Variants in ELL observed in about 807,000 individuals in gnomAD.
ELL encodes the protein RNA polymerase II elongation factor ELL.
A neutral mutation model predicts 64.0 loss-of-function variants in ELL; 18 were observed. The ratio of observed to expected loss-of-function variants is 0.28; its 90% CI spans 0.19 to 0.42. The LOEUF is 0.42. ELL is among the 10% of genes least tolerant of loss of function. ELL has a pLI of 1.00. For missense variants in ELL, 797 were observed against 870.4 expected, an observed-to-expected ratio of 0.92 and a Z score of 1.06; for synonymous variants, 399 against 376.2, an observed-to-expected ratio of 1.06 and a Z score of -0.70.
At chr19:18,517,834 C>T (rs1479295107) in intron 1 of ELL, among the ~76,000 whole-genome samples, 1 of 148,116 alleles carries the variant, frequency 6.8e-6, no homozygotes, top group African/African-American at 2.5e-5. Flanking sequence ...CCGCAGTGAG[C>T]TATGATCACA....
intron 4 of ELL, among the ~76,000 whole-genome samples, chr19:18,464,190 G>A (rs1034002083): frequency 1.3e-5 from 2 of 151,970 alleles, no homozygotes; most frequent in East Asian, 1.9e-4. Flanking sequence ...GCAACATAGC[G>A]AGGCTCTGTC....
chr19:18,468,581 G>A (rs971771101), intron 2 of ELL, among the ~76,000 whole-genome samples: 3 of 152,224 alleles, frequency 2.0e-5, no homozygotes, highest in East Asian at 1.9e-4. Flanking sequence ...GGGACCACAC[G>A]TCCAGGGAAA....
At chr19:18,452,536 C>T (rs1974562306) in intron 6 of ELL, among the ~76,000 whole-genome samples, 1 of 152,252 alleles carries the variant, frequency 6.6e-6, no homozygotes, top group African/African-American at 2.4e-5. Context: ...CACCGGAAAG[C>T]ATAGCAGAAG....
chr19:18,482,308 C>CTTT (rs530594631), intron 1 of ELL, among the ~76,000 whole-genome samples: 6,304 of 77,450 alleles, frequency 0.081, 1,104 homozygotes, highest in African/African-American at 0.13. Context: ...CTTTTCATTC[C>CTTT]TTTTTTTTTT....
chr19:18,482,522 G>A (rs765712063), intron 1 of ELL, among the ~76,000 whole-genome samples: 4 of 151,446 alleles, frequency 2.6e-5, no homozygotes, highest in Admixed American at 1.3e-4. Context: ...ATTTTTAGTC[G>A]AGACGGGTTT....
chr19:18,507,718 C>A (rs910671096), intron 1 of ELL, among the ~76,000 whole-genome samples: 3 of 152,264 alleles, frequency 2.0e-5, no homozygotes, highest in Non-Finnish European at 4.4e-5. Context: ...CGAACCCTCA[C>A]TGGGTGCAAT....
intron 1 of ELL, among the ~76,000 whole-genome samples, chr19:18,509,642 C>A (rs1392886972): frequency 6.8e-6 from 1 of 147,506 alleles, no homozygotes; most frequent in African/African-American, 2.6e-5. Flanking sequence ...CACACACACA[C>A]ACACACACAC....
At chr19:18,500,615 C>G (rs1490732936) in intron 1 of ELL, among the ~76,000 whole-genome samples, 1 of 152,212 alleles carries the variant, frequency 6.6e-6, no homozygotes, top group Non-Finnish European at 1.5e-5. Flanking sequence ...GAGAGGTCGA[C>G]TGGTCCCCTG....
chr19:18,444,811 C>T lies in ELL; in HGVS notation c.1807G>A (p.Ala603Thr). 1 of 1,611,572 alleles carries T rather than the reference C, an allele frequency of 6.2e-7. No homozygotes were observed. Among genetic ancestry groups the T allele is most frequent in the South Asian group, 1.1e-5 (1 of 91,084 alleles). The change falls in exon 12 of 12, where the codon GCC becomes ACC. Residue 603 changes from alanine to threonine, a missense_variant. Physicochemically the swap from Ala to Thr is moderately conservative, Grantham distance 58. Coordinates refer to ENST00000262809, the MANE Select transcript of ELL (RefSeq NM_006532.4). Reference protein sequence around the residue: ...HRCEYLHSKLAHIKRLIAEYD... With the variant: ...HRCEYLHSKLTHIKRLIAEYD... Reference sequence around the variant, plus strand: ...TCGGCGATGAGCCTCTTGATGTGGGCCAGCTTGCTGTGCAGGTACTCGCAG... The same window carrying T: ...TCGGCGATGAGCCTCTTGATGTGGGTCAGCTTGCTGTGCAGGTACTCGCAG...
At chr19:18,505,553 G>A (rs552829901) in intron 1 of ELL, among the ~76,000 whole-genome samples, 5 of 152,292 alleles carry the variant, frequency 3.3e-5, no homozygotes, top group East Asian at 3.9e-4. Context: ...CCTCAGTAAC[G>A]CAGGCTCCTT....
chr19:18,468,229 C>G (rs1002575611), intron 2 of ELL, among the ~76,000 whole-genome samples: 1 of 150,064 alleles, frequency 6.7e-6, no homozygotes, highest in Non-Finnish European at 1.5e-5. Context: ...ACAATCCATA[C>G]ACACACACAC....
chr19:18,472,103 T>C (rs1975075856), intron 2 of ELL, among the ~76,000 whole-genome samples: 1 of 151,968 alleles, frequency 6.6e-6, no homozygotes, highest in African/African-American at 2.4e-5. Flanking sequence ...GCTAAGATTA[T>C]AGGCATGCAC....
At chr19:18,476,086 T>C (rs1389858141) in intron 1 of ELL, among the ~76,000 whole-genome samples, 1 of 152,102 alleles carries the variant, frequency 6.6e-6, no homozygotes, top group Non-Finnish European at 1.5e-5. Flanking sequence ...CACAAACTCA[T>C]GGCACCAGTC....
At chr19:18,462,723 G>T (rs1974854605) in intron 4 of ELL, among the ~76,000 whole-genome samples, 1 of 152,082 alleles carries the variant, frequency 6.6e-6, no homozygotes, top group African/African-American at 2.4e-5. Flanking sequence ...TGTTAAACTG[G>T]GGGTCCCTGA....
intron 1 of ELL, among the ~76,000 whole-genome samples, chr19:18,509,051 C>G (rs376239591): frequency 1.3e-5 from 2 of 152,290 alleles, no homozygotes; most frequent in South Asian, 4.1e-4. Flanking sequence ...ACCTCTACCA[C>G]TAATTCCATG....
At chr19:18,484,543 G>A (rs1273201444) in intron 1 of ELL, among the ~76,000 whole-genome samples, 1 of 152,204 alleles carries the variant, frequency 6.6e-6, no homozygotes, top group Non-Finnish European at 1.5e-5. Context: ...CAGGTGCTGA[G>A]GCAGAAGGAT....
intron 1 of ELL, among the ~76,000 whole-genome samples, chr19:18,478,567 A>C (rs1218013376): frequency 6.6e-6 from 1 of 152,192 alleles, no homozygotes; most frequent in Non-Finnish European, 1.5e-5. Context: ...CCTGAGATAC[A>C]AAGTCACCCC....
At chr19:18,502,889 G>A (rs1430852712) in intron 1 of ELL, among the ~76,000 whole-genome samples, 4 of 152,198 alleles carry the variant, frequency 2.6e-5, no homozygotes, top group South Asian at 2.1e-4. Flanking sequence ...CCACCTGGCC[G>A]GGTGTGCCAA....
rs553696102 is a variant in ELL at position 18,450,863 on chromosome 19, T to C, written c.1079A>G (p.Asn360Ser). ...PAVNGKLGVP[N>S]GREALLPTPG... ...GGTGGGCAGCAAGGCCTCACGGCCATTGGGCACGCCCAGCTTCCCGTTGAC... is the reference window on the plus strand; with the variant it reads ...GGTGGGCAGCAAGGCCTCACGGCCACTGGGCACGCCCAGCTTCCCGTTGAC... Residue 360 changes from asparagine (N) to serine (S), a missense_variant, in exon 8 of 12, where the codon AAT (asparagine) becomes AGT (serine). By Grantham distance (46) the Asn-to-Ser change is conservative. Transcript: ENST00000262809. 2.5e-6 allele frequency: 4 copies of C among 1,588,376 alleles called. No individual in the cohort carries two copies. Among genetic ancestry groups the C allele is most frequent in the Admixed American group, 1.8e-5 (1 of 56,448 alleles).
Sources: gnomAD v4.1 joint callset for allele counts (sites outside exome capture counted in the v4.1 genomes callset) on GRCh38, gnomAD v4.1.1 for gene constraint, MANE v1.5 for transcripts, NCBI Gene and HGNC (gene_info 2026-07-23, HGNC 2026-07-21) for gene names.